The following GALNTL6 variants were observed in gnomAD, a reference collection of about 807,000 sequenced individuals.
GALNTL6 encodes the protein polypeptide N-acetylgalactosaminyltransferase-like 6.
A neutral mutation model predicts 73.7 loss-of-function variants in GALNTL6; 46 were observed. That is an observed-to-expected ratio of 0.62 (90% confidence interval 0.49 to 0.80). The LOEUF (loss-of-function observed/expected upper bound fraction) is 0.80. Ranked by LOEUF, GALNTL6 falls within the 30% of genes least tolerant of loss-of-function variation. The pLI is 0.00. For synonymous variants in GALNTL6, 259 were observed against 263.7 expected, an observed-to-expected ratio of 0.98 and a Z score of 0.17; for missense variants, 604 against 755.0, an observed-to-expected ratio of 0.80 and a Z score of 2.34.
Position 172,322,985 on chromosome 4 carries a change from G to A in GALNTL6, c.386+11233G>A, listed in dbSNP as rs577325546. ...TAGAAAAAATATTCTAAGAAATAATGGCAGAAATCTTTTCAAATTTATTTA... is the reference window on the plus strand; with the variant it reads ...TAGAAAAAATATTCTAAGAAATAATAGCAGAAATCTTTTCAAATTTATTTA... On this transcript the variant is annotated intron_variant, in intron 4 of 12. Transcript: ENST00000506823. Among the ~76,000 whole-genome samples the A allele has an allele frequency of 2.0e-5, 3 of 152,172 alleles. No homozygotes were observed. In the East Asian group the frequency reaches 5.8e-4, roughly 29 times the overall value.
chr4:172,554,617 A>T (rs1736078483), intron 5 of GALNTL6, among the ~76,000 whole-genome samples: 1 of 152,172 alleles, frequency 6.6e-6, no homozygotes, highest in Non-Finnish European at 1.5e-5. Context: ...TACTTCTAAC[A>T]CCAGAGATCA....
rs1736708923 is a variant in GALNTL6 at position 171,889,730 on chromosome 4, T to C, written c.138+75012T>C. On this transcript the variant is annotated intron_variant, in intron 2 of 12. Transcript: ENST00000506823. ...ATGACAAACTTTCTTGTAACATAGATGCAATATTGACATATTAACAAGGTG... is the reference window on the plus strand; with the variant it reads ...ATGACAAACTTTCTTGTAACATAGACGCAATATTGACATATTAACAAGGTG... 2.0e-5 allele frequency among the ~76,000 whole-genome samples: 3 copies of C among 152,076 alleles called. No individual in the cohort carries two copies. In the South Asian group the frequency reaches 6.2e-4, roughly 31 times the overall value.
chr4:172,240,863 C>A (rs1737414133), intron 3 of GALNTL6, among the ~76,000 whole-genome samples: 1 of 152,128 alleles, frequency 6.6e-6, no homozygotes, highest in Non-Finnish European at 1.5e-5. Context: ...GGTTAAGAAT[C>A]CTTGCTGGGA....
chr4:172,571,673 A>G (rs146978689), intron 5 of GALNTL6, among the ~76,000 whole-genome samples: 181 of 152,348 alleles, frequency 1.2e-3, no homozygotes, highest in African/African-American at 3.8e-3. Flanking sequence ...TGAAACCATC[A>G]TTATTGTTGA....
chr4:172,878,807 T>C (rs1371831043), intron 7 of GALNTL6, among the ~76,000 whole-genome samples: 2 of 151,838 alleles, frequency 1.3e-5, no homozygotes, highest in African/African-American at 4.8e-5. Flanking sequence ...AAGTAAGTGA[T>C]CTAAATAATC....
chr4:172,207,824 G>A (rs28697593), intron 2 of GALNTL6, among the ~76,000 whole-genome samples: 2 of 152,262 alleles, frequency 1.3e-5, no homozygotes, highest in South Asian at 2.1e-4. Context: ...TAACTTGCAC[G>A]CAGTAAGTAC....
At chr4:173,037,011 C>A (rs1210951508) in intron 12 of GALNTL6, among the ~76,000 whole-genome samples, 1 of 152,230 alleles carries the variant, frequency 6.6e-6, no homozygotes, top group Non-Finnish European at 1.5e-5. Context: ...ATTAGTGATT[C>A]ACAAGCTCAG....
chr4:172,013,268 A>G (rs1310874535), intron 2 of GALNTL6, among the ~76,000 whole-genome samples: 1 of 152,044 alleles, frequency 6.6e-6, no homozygotes, highest in East Asian at 1.9e-4. Flanking sequence ...AAACACTGGT[A>G]CTTACTCCTC....
intron 3 of GALNTL6, among the ~76,000 whole-genome samples, chr4:172,300,884 C>G (rs1204276714): frequency 6.6e-6 from 1 of 152,042 alleles, no homozygotes; most frequent in Non-Finnish European, 1.5e-5. Context: ...TTGTGGCATT[C>G]TCTGTATTTC....
At chr4:172,338,664 T>G (rs2111195979) in intron 4 of GALNTL6, among the ~76,000 whole-genome samples, 1 of 152,288 alleles carries the variant, frequency 6.6e-6, no homozygotes, top group South Asian at 2.1e-4. Context: ...TTGAACCTTG[T>G]TTACTGCGAG....
chr4:171,821,310 G>C (rs1396650357), intron 2 of GALNTL6, among the ~76,000 whole-genome samples: 1 of 152,002 alleles, frequency 6.6e-6, no homozygotes, highest in East Asian at 1.9e-4. Flanking sequence ...CGAAGTGCCG[G>C]GATTGCAAGC....
intron 5 of GALNTL6, among the ~76,000 whole-genome samples, chr4:172,798,684 T>C (rs1283026043): frequency 6.6e-6 from 1 of 152,182 alleles, no homozygotes; most frequent in Non-Finnish European, 1.5e-5. Flanking sequence ...ATCCAAGCTA[T>C]GAATGTGCAC....
At chr4:172,876,747 G>A (rs1745217001) in intron 7 of GALNTL6, among the ~76,000 whole-genome samples, 1 of 152,114 alleles carries the variant, frequency 6.6e-6, no homozygotes, top group South Asian at 2.1e-4. Flanking sequence ...TAGTTATTTA[G>A]CCACTCTTTT....
intron 5 of GALNTL6, among the ~76,000 whole-genome samples, chr4:172,680,229 G>GT (rs905145601): frequency 5.3e-5 from 8 of 152,164 alleles, no homozygotes; most frequent in African/African-American, 1.9e-4. Flanking sequence ...ACATTGTGTA[G>GT]TTTTTTTAAA....
chr4:171,868,774 C>CGGGT, intron 2 of GALNTL6, among the ~76,000 whole-genome samples: 1 of 152,034 alleles, frequency 6.6e-6, no homozygotes, highest in East Asian at 1.9e-4. Context: ...CTCTGCCTCC[C>CGGGT]GGGTTCAAGC....
chr4:172,259,970 C>T (rs1170548403), intron 3 of GALNTL6, among the ~76,000 whole-genome samples: 2 of 151,368 alleles, frequency 1.3e-5, no homozygotes, highest in African/African-American at 4.8e-5. Context: ...AGTCCACTTG[C>T]CTATTTTTAT....
intron 5 of GALNTL6, among the ~76,000 whole-genome samples, chr4:172,625,506 A>G (rs989819825): frequency 1.3e-5 from 2 of 152,016 alleles, no homozygotes; most frequent in African/African-American, 4.8e-5. Flanking sequence ...GTGTCTTTTC[A>G]GTAGAATGAT....
intron 3 of GALNTL6, among the ~76,000 whole-genome samples, chr4:172,235,101 G>T (rs1737196095): frequency 6.6e-6 from 1 of 151,866 alleles, no homozygotes; most frequent in Non-Finnish European, 1.5e-5. Context: ...GTCCTCATAA[G>T]ATTTTCGTAA....
intron 5 of GALNTL6, among the ~76,000 whole-genome samples, chr4:172,467,931 GC>G (rs1732895116): frequency 7.7e-6 from 1 of 129,958 alleles, no homozygotes; most frequent in South Asian, 2.4e-4. Flanking sequence ...ATCTTGCTCT[GC>G]CACCCAGGCT....
Sources: gnomAD v4.1 joint callset for allele counts (sites outside exome capture counted in the v4.1 genomes callset) on GRCh38, gnomAD v4.1.1 for gene constraint, MANE v1.5 for transcripts, NCBI Gene and HGNC (gene_info 2026-07-23, HGNC 2026-07-21) for gene names.